Variants in ZNF254 observed in about 807,000 individuals in gnomAD.
ZNF254 encodes the protein CTD-2017D11.1.
ZNF254 carries 10 observed loss-of-function variants against 12.4 expected under a neutral mutation model. The ratio of observed to expected loss-of-function variants is 0.80; its 90% confidence interval spans 0.50 to 1.36. ZNF254 has a LOEUF of 1.36. Ranked by LOEUF, ZNF254 falls within the 40% of genes most tolerant of loss-of-function variation. The pLI is 0.00. For synonymous variants in ZNF254, 305 were observed against 253.4 expected, an observed-to-expected ratio of 1.20 and a Z score of -1.93; for missense variants, 996 against 763.9, an observed-to-expected ratio of 1.30 and a Z score of -3.58.
intron 3 of ZNF254, among the ~76,000 whole-genome samples, chr19:24,115,180 T>C (rs1323573218): frequency 1.3e-5 from 2 of 152,050 alleles, no homozygotes; most frequent in Non-Finnish European, 2.9e-5. Flanking sequence ...ACTGGGTAGA[T>C]ACCCAAAGGA....
intron 2 of ZNF254, among the ~76,000 whole-genome samples, chr19:24,047,198 CT>C (rs1970423921): frequency 6.6e-6 from 1 of 151,776 alleles, no homozygotes; most frequent in African/African-American, 2.4e-5. Context: ...TTTTTTCTCC[CT>C]TTTTGTCTCT....
chr19:24,125,387 C>A (rs1052998763), intron 3 of ZNF254, among the ~76,000 whole-genome samples: 5 of 151,054 alleles, frequency 3.3e-5, no homozygotes, highest in African/African-American at 4.9e-5. Flanking sequence ...CAGTTTATTA[C>A]CAATTATTAA....
At chr19:24,124,106 G>A (rs1412293080) in intron 3 of ZNF254, among the ~76,000 whole-genome samples, 1 of 151,584 alleles carries the variant, frequency 6.6e-6, no homozygotes, top group Non-Finnish European at 1.5e-5. Context: ...TGTATTGATA[G>A]GCTTTGACTT....
In ZNF254 at chr19:24,126,693, T is replaced by G. The variant is rs144936863; in HGVS notation, c.693T>G (p.Ile231Met). 1,821 of 1,613,360 alleles carry G rather than the reference T, an allele frequency of 1.1e-3. 4 individuals are homozygous for G. The highest frequency in any genetic ancestry group is 1.4e-3 in the Non-Finnish European group (1,703 of 1,179,770). The stretch of plus-strand genomic sequence containing the variant: ...CAACCCTTACTAATCATAGGAAAAT[T>G]TATACTGAAGAGAAACCTTACAAAT... ...WSSTLTNHRK[I>M]YTEEKPYKCE... Residue 231 changes from isoleucine to methionine, a missense_variant, in exon 4 of 4, where the codon ATT becomes ATG. Transcript: ENST00000357002.
intron 1 of ZNF254, among the ~76,000 whole-genome samples, chr19:24,093,305 A>G (rs1023738049): frequency 1.3e-5 from 2 of 151,862 alleles, no homozygotes; most frequent in African/African-American, 4.8e-5. Context: ...ATTAGGTCCA[A>G]TTTGTCAATT....
intron 1 of ZNF254, among the ~76,000 whole-genome samples, chr19:24,099,411 G>T (rs565650726): frequency 6.6e-6 from 1 of 152,112 alleles, no homozygotes; most frequent in Non-Finnish European, 1.5e-5. Context: ...GTATGTCAGT[G>T]GCAGGTGGTA....
At chr19:24,122,422 A>T in intron 3 of ZNF254, among the ~76,000 whole-genome samples, 1 of 151,936 alleles carries the variant, frequency 6.6e-6, no homozygotes, top group East Asian at 1.9e-4. Context: ...ATGGGGTTTC[A>T]CCATCTTGGC....
intron 3 of ZNF254, among the ~76,000 whole-genome samples, chr19:24,117,228 T>C (rs1469570153): frequency 1.3e-5 from 2 of 152,162 alleles, no homozygotes; most frequent in South Asian, 2.1e-4. Flanking sequence ...TCTTCAAAGC[T>C]GTCAGACAGG....
upstream of ZNF254, among the ~76,000 whole-genome samples, chr19:24,086,527 G>A (rs1242408064): frequency 6.6e-6 from 1 of 151,658 alleles, no homozygotes; most frequent in African/African-American, 2.4e-5. Context: ...GTCCAGGCTG[G>A]AGTGTAATGA....
At chr19:24,037,966 C>T (rs895056098) in intron 1 of ZNF254, among the ~76,000 whole-genome samples, 13 of 152,138 alleles carry the variant, frequency 8.5e-5, no homozygotes, top group Non-Finnish European at 1.5e-4. Context: ...GGGCTGGTCT[C>T]GAACTCCTGA....
chr19:24,118,201 G>A (rs975254623), intron 3 of ZNF254, among the ~76,000 whole-genome samples: 77 of 151,824 alleles, frequency 5.1e-4, no homozygotes, highest in African/African-American at 1.8e-3. Context: ...TTACAGGCAC[G>A]TGCCACCACA....
intron 2 of ZNF254, among the ~76,000 whole-genome samples, chr19:24,060,099 G>A (rs1971012433): frequency 6.6e-6 from 1 of 152,114 alleles, no homozygotes; most frequent in Non-Finnish European, 1.5e-5. Flanking sequence ...CCCAGGTGAT[G>A]GAACTCTGCC....
intron 1 of ZNF254, among the ~76,000 whole-genome samples, chr19:24,102,282 C>G (rs1599713231): frequency 8.3e-6 from 1 of 119,900 alleles, no homozygotes; most frequent in Non-Finnish European, 1.7e-5. Flanking sequence ...CTAAATTATT[C>G]TAGAAAACCT....
chr19:24,115,569 G>A (rs1251267566), intron 3 of ZNF254, among the ~76,000 whole-genome samples: 2 of 151,848 alleles, frequency 1.3e-5, no homozygotes, highest in African/African-American at 2.4e-5. Flanking sequence ...GATATACCTA[G>A]TGCTAGATGA....
Position 24,034,488 on chromosome 19 carries a change from G to GTTTTTTTTTT in ZNF254, c.-190+880_-190+889dup, listed in dbSNP as rs963358053. The stretch of plus-strand genomic sequence containing the variant: ...GACAAATTTAGATTTAGGTAAGTGG[G>GTTTTTTTTTT]TTTTTTTTTTTTTTTTTTTTTTCTT... On this transcript the variant is annotated intron_variant, in intron 1 of 4. Coordinates refer to the ZNF254 transcript ENST00000613065. 1.7e-3 allele frequency among the ~76,000 whole-genome samples: 181 copies of GTTTTTTTTTT among 107,356 alleles called. 1 individual carries two copies. Among genetic ancestry groups the GTTTTTTTTTT allele is most frequent in the Admixed American group, 3.2e-3 (26 of 8,108 alleles). The allele number at this position is 107,356 out of a possible 152,430, so 70.4% of individuals were successfully genotyped here.
chr19:24,090,916 G>A (rs1435462763), intron 1 of ZNF254, among the ~76,000 whole-genome samples: 2 of 145,812 alleles, frequency 1.4e-5, no homozygotes, highest in South Asian at 2.2e-4. Context: ...GAAGTTTCTC[G>A]GACATGTTTT....
At chr19:24,062,877 T>G (rs1306517823) in intron 2 of ZNF254, among the ~76,000 whole-genome samples, 2 of 152,212 alleles carry the variant, frequency 1.3e-5, no homozygotes, top group African/African-American at 4.8e-5. Flanking sequence ...CTTGGCTCAC[T>G]GCAAACTCTG....
intron 1 of ZNF254, among the ~76,000 whole-genome samples, chr19:24,096,893 C>T (rs192602774): frequency 1.8e-3 from 268 of 152,290 alleles, no homozygotes; most frequent in Middle Eastern, 3.4e-3. Context: ...AGCATTCTTA[C>T]GTGTGCACAC....
At chr19:24,084,816 A>C (rs2145604843), upstream of ZNF254, among the ~76,000 whole-genome samples, 1 of 151,756 alleles carries the variant, frequency 6.6e-6, no homozygotes, top group East Asian at 1.9e-4. Flanking sequence ...TTTTAGATAC[A>C]TGTTTTTGCC....
Sources: allele counts gnomAD v4.1 joint callset (sites outside exome capture counted in the v4.1 genomes callset), GRCh38; gene constraint gnomAD v4.1.1; transcripts MANE v1.5; gene names NCBI Gene and HGNC (gene_info 2026-07-23, HGNC 2026-07-21).